TUT4: variants seen among roughly 807,000 people sequenced by gnomAD.
TUT4 encodes the protein terminal uridylyltransferase 4.
Under a neutral mutation model 192.2 loss-of-function variants are expected in TUT4, and 36 were observed. The ratio of observed to expected loss-of-function variants is 0.19; its 90% confidence interval spans 0.14 to 0.25. TUT4 has a LOEUF of 0.25. Among genes scored for constraint, TUT4 ranks in the 10% least tolerant of loss-of-function variants. TUT4 has a pLI of 1.00. For synonymous variants in TUT4, 618 were observed against 666.0 expected, an observed-to-expected ratio of 0.93 and a Z score of 1.11; for missense variants, 1,493 against 1,957.2, an observed-to-expected ratio of 0.76 and a Z score of 4.47.
At chr1:52,447,559 G>A (rs953838384) in intron 20 of TUT4, among the ~76,000 whole-genome samples, 1 of 151,356 alleles carries the variant, frequency 6.6e-6, no homozygotes, top group Non-Finnish European at 1.5e-5. Flanking sequence ...ATAATCCGCT[G>A]TCCTAAGGAG....
At chr1:52,432,183 T>C (rs1034523496) in intron 27 of TUT4, 2 of 152,058 alleles carry the variant, frequency 1.3e-5, no homozygotes, top group African/African-American at 4.8e-5. Flanking sequence ...CATAATGAAA[T>C]CCCAGAGCAG....
At chr1:52,483,314 GATA>G (rs1376136404) in intron 9 of TUT4, among the ~76,000 whole-genome samples, 4 of 152,030 alleles carry the variant, frequency 2.6e-5, no homozygotes, top group Admixed American at 6.6e-5. Context: ...TTTAATTATA[GATA>G]ATAACCCTTT....
intron 1 of TUT4, among the ~76,000 whole-genome samples, chr1:52,528,619 C>T (rs1160723097): frequency 6.6e-6 from 1 of 151,964 alleles, no homozygotes; most frequent in Non-Finnish European, 1.5e-5. Flanking sequence ...AATTAGAGTC[C>T]TTCTGCCAGC....
At chr1:52,520,093 A>G (rs1381544685) in intron 2 of TUT4, among the ~76,000 whole-genome samples, 1 of 152,206 alleles carries the variant, frequency 6.6e-6, no homozygotes, top group South Asian at 2.1e-4. Context: ...GACGCAGAGG[A>G]AAAAGCAAAT....
chr1:52,477,434 C>T (rs1667393111), intron 12 of TUT4, among the ~76,000 whole-genome samples: 1 of 152,018 alleles, frequency 6.6e-6, no homozygotes, highest in Admixed American at 6.6e-5. Context: ...ATTAGCTGGG[C>T]ATGGTAGCAC....
chr1:52,538,017 C>CT (rs1685423204), intron 1 of TUT4, among the ~76,000 whole-genome samples: 1 of 152,188 alleles, frequency 6.6e-6, no homozygotes, highest in Non-Finnish European at 1.5e-5. Context: ...GGGCAGATCA[C>CT]TTGAGGTCAG....
chr1:52,540,998 G>T (rs1273943727), intron 1 of TUT4, among the ~76,000 whole-genome samples: 2 of 151,578 alleles, frequency 1.3e-5, no homozygotes, highest in Non-Finnish European at 2.9e-5. Flanking sequence ...CCAAGGCCAG[G>T]AGTTAGGGAC....
intron 28 of TUT4, among the ~76,000 whole-genome samples, chr1:52,429,807 T>G (rs1018994135): frequency 6.6e-6 from 1 of 152,050 alleles, no homozygotes; most frequent in Non-Finnish European, 1.5e-5. Flanking sequence ...CTGGCCAGCC[T>G]GGTCTTAAAC....
At chr1:52,534,677 AC>A (rs1684414033) in intron 1 of TUT4, among the ~76,000 whole-genome samples, 1 of 143,908 alleles carries the variant, frequency 6.9e-6, no homozygotes, top group Non-Finnish European at 1.5e-5. Flanking sequence ...ACATGGCAAA[AC>A]CCTGTCTCTA....
At chr1:52,441,341 T>C (rs1655470440) in intron 24 of TUT4, among the ~76,000 whole-genome samples, 1 of 149,730 alleles carries the variant, frequency 6.7e-6, no homozygotes, top group Non-Finnish European at 1.5e-5. Context: ...TGGAGTGCAG[T>C]GCTGCAATCT....
At chr1:52,547,296 G>T (rs1198215746) in intron 1 of TUT4, among the ~76,000 whole-genome samples, 1 of 151,456 alleles carries the variant, frequency 6.6e-6, no homozygotes, top group Non-Finnish European at 1.5e-5. Flanking sequence ...ATGAAGAGAT[G>T]CTCAACATCT....
chr1:52,448,120 C>T (rs1658130035), intron 20 of TUT4, among the ~76,000 whole-genome samples: 1 of 152,218 alleles, frequency 6.6e-6, no homozygotes, highest in Non-Finnish European at 1.5e-5. Flanking sequence ...ACATAGAGAA[C>T]ACTTAATATA....
At chr1:52,548,787 T>C (rs771466829) in intron 1 of TUT4, among the ~76,000 whole-genome samples, 9 of 152,214 alleles carry the variant, frequency 5.9e-5, no homozygotes, top group Non-Finnish European at 1.2e-4. Context: ...CAAGATGCCT[T>C]ATGTAAAGAT....
chr1:52,446,326 C>A lies in TUT4; in HGVS notation c.3630G>T (p.Arg1210=), dbSNP rs1657505640. The change falls in exon 22 of 30, where the codon CGG becomes CGT. Residue 1210 remains arginine (R), a synonymous_variant. Transcript: ENST00000257177. The part of the protein sequence containing the change: ...FDFKEYVISI[R]QKKLLTTFEK... ...CAAAAGTTGTCAACAGCTTTTTCTG[C>A]CGAATGCTAATTACATATTCCTTGA... The A allele has an allele frequency of 3.7e-6, 6 of 1,613,716 alleles. No homozygotes were observed. The highest frequency in any genetic ancestry group is 5.1e-6 in the Non-Finnish European group (6 of 1,179,848).
intron 8 of TUT4, among the ~76,000 whole-genome samples, chr1:52,490,246 G>A (rs755825270): frequency 6.7e-6 from 1 of 150,258 alleles, no homozygotes; most frequent in Non-Finnish European, 1.5e-5. Flanking sequence ...AACCTCCCAG[G>A]CTCAGGCCAT....
chr1:52,521,353 A>G (rs1327995287), intron 2 of TUT4, among the ~76,000 whole-genome samples: 2 of 152,174 alleles, frequency 1.3e-5, no homozygotes, highest in African/African-American at 4.8e-5. Context: ...ATTTCTATAT[A>G]ACCTATCAAG....
intron 12 of TUT4, 78 bp downstream of exon 12, chr1:52,477,630 A>C: frequency 1.5e-6 from 2 of 1,376,396 alleles, no homozygotes; most frequent in Non-Finnish European, 2.0e-6. Flanking sequence ...ACAAAGCCAA[A>C]GGATTATTAA....
intron 15 of TUT4, among the ~76,000 whole-genome samples, chr1:52,466,945 G>A (rs1419765147): frequency 6.6e-6 from 1 of 151,850 alleles, no homozygotes; most frequent in East Asian, 1.9e-4. Context: ...GGGATTATAG[G>A]TGTAAGCCAC....
intron 1 of TUT4, among the ~76,000 whole-genome samples, chr1:52,526,720 G>C (rs1681861790): frequency 6.6e-6 from 1 of 152,128 alleles, no homozygotes; most frequent in Non-Finnish European, 1.5e-5. Context: ...ACAGAATAAA[G>C]AAAACACAAG....
Sources: allele counts gnomAD v4.1 joint callset (sites outside exome capture counted in the v4.1 genomes callset), GRCh38; gene constraint gnomAD v4.1.1; transcripts MANE v1.5; gene names NCBI Gene and HGNC (gene_info 2026-07-23, HGNC 2026-07-21).